LRRC7: variants seen among roughly 807,000 people sequenced by gnomAD.
LRRC7 encodes the protein leucine-rich repeat-containing protein 7.
A neutral mutation model predicts 175.7 loss-of-function variants in LRRC7; 23 were observed. The ratio of observed to expected loss-of-function variants is 0.13; its 90% confidence interval spans 0.09 to 0.19. The LOEUF is 0.19. Among genes scored for constraint, LRRC7 ranks in the 10% least tolerant of loss-of-function variants. The pLI is 1.00. For synonymous variants in LRRC7, 685 were observed against 680.9 expected (o/e 1.01, Z -0.09); for missense variants, 1,354 against 1,904.7 (o/e 0.71, Z 5.38).
At chr1:70,043,714 T>C (rs1660106261) in intron 21 of LRRC7, among the ~76,000 whole-genome samples, 1 of 152,204 alleles carries the variant, frequency 6.6e-6, no homozygotes. Flanking sequence ...TAGCAGCAGA[T>C]GTAAAACAGA....
intron 2 of LRRC7, among the ~76,000 whole-genome samples, chr1:69,688,332 CA>C: frequency 6.6e-6 from 1 of 152,292 alleles, no homozygotes; most frequent in Admixed American, 6.5e-5. Context: ...TGTTCTTTAT[CA>C]GTTCCTTTTT....
intron 23 of LRRC7, among the ~76,000 whole-genome samples, chr1:70,062,060 G>T (rs1260679624): frequency 6.6e-6 from 1 of 152,106 alleles, no homozygotes; most frequent in Admixed American, 6.6e-5. Flanking sequence ...TGACAACATT[G>T]TCAGGCACCT....
At chr1:70,036,409 C>A in intron 19 of LRRC7, 35 bp from the exon 20 acceptor site, 1 of 1,570,250 alleles carries the variant, frequency 6.4e-7, no homozygotes, top group South Asian at 1.2e-5. Flanking sequence ...TTGTCAGTGT[C>A]ATAGCATTAT....
intron 8 of LRRC7, 80 bp downstream of exon 8, chr1:69,931,650 A>T (rs765290485): frequency 2.4e-5 from 26 of 1,085,972 alleles, no homozygotes; most frequent in Non-Finnish European, 3.6e-5. Flanking sequence ...AAACCAAGGT[A>T]TTAACTTGAT....
In LRRC7 at chr1:70,136,658, CCTT is replaced by C. The variant is rs1017596319; in HGVS notation, c.*14774_*14776del. On this transcript the variant is annotated 3_prime_UTR_variant, in exon 27 of 27. Coordinates refer to ENST00000651989, the MANE Select transcript of LRRC7 (RefSeq NM_001370785.2). Reference sequence around the variant, plus strand: ...ATGAGGAAAGAACACTGTATTGTCACCTTCTCTCACAGTTTAATAAAATGGCAA... The same window carrying C: ...ATGAGGAAAGAACACTGTATTGTCACCTCTCACAGTTTAATAAAATGGCAA... Among the ~76,000 whole-genome samples, 3 of 149,814 alleles carry C rather than the reference CCTT, an allele frequency of 2.0e-5. No individual in the cohort carries two copies. Among genetic ancestry groups the C allele is most frequent in the Non-Finnish European group, 4.4e-5 (3 of 67,540 alleles).
At chr1:70,074,900 CTTA>C (rs1662663023) in intron 23 of LRRC7, among the ~76,000 whole-genome samples, 1 of 151,986 alleles carries the variant, frequency 6.6e-6, no homozygotes, top group Non-Finnish European at 1.5e-5. Flanking sequence ...TCCATGAATA[CTTA>C]TTTAGTAATT....
At chr1:69,603,611 C>G (rs1441723306) in intron 1 of LRRC7, among the ~76,000 whole-genome samples, 1 of 151,936 alleles carries the variant, frequency 6.6e-6, no homozygotes, top group Non-Finnish European at 1.5e-5. Flanking sequence ...TTGTCTAATA[C>G]CTTAATCCAG....
chr1:69,822,206 T>C lies in LRRC7; in HGVS notation c.422-3542T>C, dbSNP rs78937940. ...TGTGCTGGGAGTCTCTCACTTGTTTTTTTAGGCAATGCTCTGAAATGCTAA... is the reference window on the plus strand; with the variant it reads ...TGTGCTGGGAGTCTCTCACTTGTTTCTTTAGGCAATGCTCTGAAATGCTAA... On this transcript the variant is annotated intron_variant, in intron 4 of 26. Transcript: ENST00000651989. 4.6e-3 allele frequency among the ~76,000 whole-genome samples: 698 copies of C among 152,296 alleles called. 5 individuals are homozygous for C. Among genetic ancestry groups the C allele is most frequent in the African/African-American group, 0.016 (648 of 41,568 alleles).
intron 7 of LRRC7, among the ~76,000 whole-genome samples, chr1:69,869,945 G>A (rs1423360858): frequency 6.6e-6 from 1 of 152,138 alleles, no homozygotes; most frequent in Non-Finnish European, 1.5e-5. Context: ...CAAGGAAACT[G>A]TCACTATGTC....
At chr1:69,815,190 A>G (rs958412170) in intron 4 of LRRC7, among the ~76,000 whole-genome samples, 5 of 152,068 alleles carry the variant, frequency 3.3e-5, no homozygotes, top group Admixed American at 2.6e-4. Context: ...CTTATGTTGG[A>G]CCATCTGGTT....
intron 1 of LRRC7, among the ~76,000 whole-genome samples, chr1:69,585,382 A>G (rs1245056): frequency 1.3e-5 from 2 of 152,046 alleles, no homozygotes. Context: ...AGACTAAAAA[A>G]GTACCTTTCT....
chr1:69,614,835 A>G (rs906966018), intron 1 of LRRC7, among the ~76,000 whole-genome samples: 3 of 152,088 alleles, frequency 2.0e-5, no homozygotes, highest in African/African-American at 7.2e-5. Flanking sequence ...TTGACTGACT[A>G]GAAATAATTT....
chr1:69,822,371 C>A (rs1679396465), intron 4 of LRRC7, among the ~76,000 whole-genome samples: 1 of 152,192 alleles, frequency 6.6e-6, no homozygotes, highest in South Asian at 2.1e-4. Flanking sequence ...CTGAAAAACA[C>A]AACGTGTTGG....
intron 7 of LRRC7, among the ~76,000 whole-genome samples, chr1:69,931,286 T>G (rs559964559): frequency 6.6e-5 from 10 of 152,320 alleles, no homozygotes; most frequent in African/African-American, 1.9e-4. Flanking sequence ...GGAGCCAGCC[T>G]TGCATGCCAA....
At chr1:69,601,474 A>G (rs1773317) in intron 1 of LRRC7, among the ~76,000 whole-genome samples, 22,963 of 152,122 alleles carry the variant, frequency 0.15, 1,883 homozygotes, top group Admixed American at 0.19. Context: ...TATGTATAAT[A>G]GTTTCAGAAC....
intron 1 of LRRC7, among the ~76,000 whole-genome samples, chr1:69,609,220 C>A (rs1028242820): frequency 6.6e-6 from 1 of 151,824 alleles, no homozygotes; most frequent in Admixed American, 6.6e-5. Context: ...TGCTTTTGAT[C>A]TTTCATCAGA....
chr1:69,992,648 C>T (rs901562701), intron 10 of LRRC7, among the ~76,000 whole-genome samples: 7 of 152,132 alleles, frequency 4.6e-5, no homozygotes, highest in Non-Finnish European at 1.0e-4. Context: ...AATAGCCACA[C>T]AACAAATGAG....
chr1:69,905,196 G>A (rs1265461233), intron 7 of LRRC7, among the ~76,000 whole-genome samples: 2 of 151,824 alleles, frequency 1.3e-5, no homozygotes, highest in Non-Finnish European at 2.9e-5. Context: ...ATTCCTTTGG[G>A]TATATATCCA....
chr1:69,748,499 G>A (rs1290826593), intron 2 of LRRC7, among the ~76,000 whole-genome samples: 2 of 152,046 alleles, frequency 1.3e-5, no homozygotes, highest in Admixed American at 6.6e-5. Flanking sequence ...ACATAAAGTG[G>A]AAATTTTAAC....
Sources: allele counts gnomAD v4.1 joint callset (sites outside exome capture counted in the v4.1 genomes callset), GRCh38; gene constraint gnomAD v4.1.1; transcripts MANE v1.5; gene names NCBI Gene and HGNC (gene_info 2026-07-23, HGNC 2026-07-21).